Variants in KIT observed in about 807,000 individuals in gnomAD.
The protein encoded by KIT is mast/stem cell growth factor receptor Kit.
In KIT, 16 loss-of-function variants were observed where a neutral mutation model predicts 105.7. The ratio of observed to expected loss-of-function variants is 0.15; its 90% CI spans 0.10 to 0.23. KIT has a LOEUF of 0.23. Among genes scored for constraint, KIT ranks in the 10% least tolerant of loss-of-function variants. The pLI, the probability that KIT is intolerant of heterozygous loss-of-function variation, is 1.00. For synonymous variants in KIT, 438 were observed against 441.1 expected (o/e 0.99, Z 0.09); for missense variants, 858 against 1,213.8 (o/e 0.71, Z 4.36).
rs386833402 is a variant in KIT, at chr4:54,703,806, C to T, written c.839C>T (p.Ala280Val). The T allele has an allele frequency of 2.4e-5, 39 of 1,613,120 alleles. No individual in the cohort carries two copies. The highest frequency in any genetic ancestry group is 1.1e-4 in the East Asian group (5 of 44,868). ...CAGGCAACGTTGACTATCAGTTCAG[C>T]GAGAGTTAATGATTCTGGAGTGTTC... ...ERQATLTISS[A>V]RVNDSGVFMC... The change falls in exon 5 of 21, where the codon GCG becomes GTG. Residue 280 changes from alanine to valine, a missense_variant. Ala to Val is a moderately conservative substitution (Grantham distance 64, BLOSUM62 0). This residue lies in a region of KIT where 401 missense variants were observed against 601.0 expected (regional missense o/e 0.67). Transcript: ENST00000288135.
At chr4:54,675,642 A>C (rs1213360012) in intron 1 of KIT, among the ~76,000 whole-genome samples, 6 of 152,220 alleles carry the variant, frequency 3.9e-5, no homozygotes. Flanking sequence ...CTATTGCAGC[A>C]ATTATCTGAT....
At chr4:54,701,094 A>G (rs1720426256) in intron 4 of KIT, among the ~76,000 whole-genome samples, 1 of 152,208 alleles carries the variant, frequency 6.6e-6, no homozygotes, top group Admixed American at 6.5e-5. Flanking sequence ...ATGAGAAATT[A>G]AATTGCCCCA....
At chr4:54,733,349 G>C in intron 17 of KIT, 157 bp downstream of exon 17, 1 of 716,464 alleles carries the variant, frequency 1.4e-6, no homozygotes, top group Non-Finnish European at 2.4e-6. Context: ...AATTTGCATG[G>C]TATGCTGAAC....
At chr4:54,709,895 G>A (rs1399262409) in intron 7 of KIT, among the ~76,000 whole-genome samples, 4 of 152,186 alleles carry the variant, frequency 2.6e-5, no homozygotes, top group Admixed American at 6.5e-5. Context: ...ACTGCGTTAG[G>A]TAGGGAAGAG....
chr4:54,690,111 CAAGTTATTGGACCACATTGGGTTTTAT>C (rs1197749782), intron 1 of KIT, among the ~76,000 whole-genome samples: 4 of 150,282 alleles, frequency 2.7e-5, no homozygotes, highest in East Asian at 1.9e-4. Context: ...ACATTTTATC[CAAGTTATTGGACCACATTGGGTTTTAT>C]AAGTTATTGG....
rs755527973 is a variant in KIT, at chr4:54,658,059, C to G, written c.45C>G (p.Leu15=). 3 of 1,613,844 alleles carry G rather than the reference C, an allele frequency of 1.9e-6. No homozygotes were observed. The highest frequency in any genetic ancestry group is 4.5e-5 in the East Asian group (2 of 44,802). Residue 15 remains leucine (L), a synonymous_variant, in exon 1 of 21, where the codon CTC becomes CTG. Transcript: ENST00000288135. ...RGAWDFLCVL[L]LLLRVQTGSS... ...CCTGGGATTTTCTCTGCGTTCTGCT[C>G]CTACTGCTTCGCGTCCAGACAGGTG... is the stretch of plus-strand genomic sequence containing the variant.
intron 1 of KIT, among the ~76,000 whole-genome samples, chr4:54,662,721 C>T (rs1184435012): frequency 2.0e-5 from 3 of 152,000 alleles, no homozygotes; most frequent in South Asian, 2.1e-4. Flanking sequence ...TACAGGCACC[C>T]GCCACCATGC....
intron 9 of KIT, among the ~76,000 whole-genome samples, chr4:54,726,698 C>T (rs1236148868): frequency 1.3e-5 from 2 of 151,048 alleles, no homozygotes. Flanking sequence ...CAAAAAGTGG[C>T]GTGTTTTCTC....
intron 1 of KIT, among the ~76,000 whole-genome samples, chr4:54,689,583 G>A (rs1030475243): frequency 6.6e-6 from 1 of 152,192 alleles, no homozygotes; most frequent in South Asian, 2.1e-4. Flanking sequence ...AAACAACATT[G>A]AGGGGCTCAC....
chr4:54,732,633 T>C (rs1722679765), intron 16 of KIT, among the ~76,000 whole-genome samples: 1 of 152,106 alleles, frequency 6.6e-6, no homozygotes, highest in Non-Finnish European at 1.5e-5. Context: ...ATTACCAAAC[T>C]AAGAAAGGAT....
intron 17 of KIT, among the ~76,000 whole-genome samples, chr4:54,734,123 T>C (rs1298975087): frequency 6.6e-6 from 1 of 152,200 alleles, no homozygotes. Flanking sequence ...CTAGATATTA[T>C]CATCAGGAGT....
chr4:54,694,232 G>A lies in KIT; in HGVS notation c.68-1280G>A, dbSNP rs187533504. 4.4e-4 allele frequency among the ~76,000 whole-genome samples: 67 copies of A among 152,102 alleles called. 1 individual carries two copies. The highest frequency in any genetic ancestry group is 3.5e-3 in the Admixed American group (53 of 15,290). ...TGTGCTCACTTCACTGCCAGTTCAT[G>A]CTGTCATCTTCTCCTCCTCCTCCTC... On this transcript the variant is annotated intron_variant, in intron 1 of 20. Coordinates refer to ENST00000288135, the MANE Select transcript of KIT (RefSeq NM_000222.3).
intron 7 of KIT, among the ~76,000 whole-genome samples, chr4:54,719,376 T>C (rs947679692): frequency 2.0e-5 from 3 of 152,186 alleles, no homozygotes; most frequent in African/African-American, 7.2e-5. Flanking sequence ...ATGGACTGGA[T>C]GGTGATGAAA....
In KIT at chr4:54,725,878, A is replaced by G. The variant is rs1577992102; in HGVS notation, c.1368A>G (p.Pro456=). ...TTAGATGCTCTGCTTCTGTACTGCC[A>G]GTGGATGTGCAGACACTAAACTCAT... The part of the protein sequence containing the change: ...TEQRCSASVL[P]VDVQTLNSSG... The change falls in exon 9 of 21, where the codon CCA becomes CCG. Residue 456 remains proline (P), a synonymous_variant. Transcript: ENST00000288135. The G allele has an allele frequency of 2.5e-6, 4 of 1,614,078 alleles. No individual in the cohort carries two copies. The highest frequency in any genetic ancestry group is 3.4e-6 in the Non-Finnish European group (4 of 1,180,008).
chr4:54,676,904 C>T (rs115531734), intron 1 of KIT, among the ~76,000 whole-genome samples: 1 of 152,292 alleles, frequency 6.6e-6, no homozygotes, highest in African/African-American at 2.4e-5. Flanking sequence ...GTGCACTTCA[C>T]AGCCCAGCTC....
intron 1 of KIT, among the ~76,000 whole-genome samples, chr4:54,658,587 T>C (rs1716992445): frequency 6.6e-6 from 1 of 152,116 alleles, no homozygotes; most frequent in South Asian, 2.1e-4. Context: ...GCTCTGCGGC[T>C]ACTGCCTTCC....
chr4:54,702,852 C>A (rs766177754), intron 4 of KIT, among the ~76,000 whole-genome samples: 1 of 152,164 alleles, frequency 6.6e-6, no homozygotes, highest in Non-Finnish European at 1.5e-5. Context: ...GCCAAGGAAT[C>A]ACCCTTGATC....
At chr4:54,715,368 T>TAAA (rs34247930) in intron 7 of KIT, among the ~76,000 whole-genome samples, 14 of 142,822 alleles carry the variant, frequency 9.8e-5, no homozygotes, top group East Asian at 4.2e-4. Flanking sequence ...GTGTTGCTGT[T>TAAA]AAAAAAAAAA....
intron 4 of KIT, among the ~76,000 whole-genome samples, chr4:54,702,276 TA>T (rs1235999873): frequency 6.6e-6 from 1 of 152,076 alleles, no homozygotes; most frequent in Admixed American, 6.6e-5. Context: ...TTACAAAAAA[TA>T]AAAAAGGTAA....
Sources: allele counts gnomAD v4.1 joint callset (sites outside exome capture counted in the v4.1 genomes callset), GRCh38; gene constraint gnomAD v4.1.1; regional missense constraint gnomAD v4.1.1; transcripts MANE v1.5; gene names NCBI Gene and HGNC (gene_info 2026-07-23, HGNC 2026-07-21).